Variants in TFCP2 observed in about 807,000 individuals in gnomAD.
The protein encoded by TFCP2 is transcription factor CP2.
A neutral mutation model predicts 73.4 loss-of-function variants in TFCP2; 33 were observed. That is an observed-to-expected ratio of 0.45 (90% confidence interval 0.34 to 0.60). The LOEUF is 0.60. TFCP2 is among the 20% of genes least tolerant of loss of function. The probability of loss-of-function intolerance (pLI) is 0.01; values close to 1 mark genes in which losing one functional copy is unlikely to be tolerated. For synonymous variants in TFCP2, 193 were observed against 211.6 expected (o/e 0.91, Z 0.76); for missense variants, 352 against 604.0 (o/e 0.58, Z 4.37).
intron 1 of TFCP2, among the ~76,000 whole-genome samples, chr12:51,123,580 TAATTC>T (rs559685915): frequency 9.0e-4 from 137 of 152,342 alleles, no homozygotes; most frequent in Middle Eastern, 3.4e-3. Context: ...TTTATGTATT[TAATTC>T]ATTTTTTTAT....
At chr12:51,135,634 A>C (rs531527638) in intron 1 of TFCP2, among the ~76,000 whole-genome samples, 25 of 152,278 alleles carry the variant, frequency 1.6e-4, no homozygotes, top group Admixed American at 8.5e-4. Flanking sequence ...GCTTTAGGCC[A>C]TATCCCATGT....
In TFCP2 at chr12:51,122,357, C is replaced by T. The variant is rs539703562; in HGVS notation, c.123-3585G>A. ...CACTGCAACCCCTGCCTCCTGGGTT[C>T]AAGTGATTCTCCTGCCTCAGCTTCC... On this transcript the variant is annotated intron_variant, in intron 1 of 14. Coordinates refer to ENST00000257915, the MANE Select transcript of TFCP2 (RefSeq NM_005653.5). 4.9e-5 allele frequency among the ~76,000 whole-genome samples: 7 copies of T among 141,930 alleles called. No homozygotes were observed. In the East Asian group the frequency reaches 1.5e-3, roughly 31 times the overall value. The allele number at this position is 141,930 out of a possible 152,430, so 93.1% of individuals were successfully genotyped here.
chr12:51,137,196 A>C (rs113563607), intron 1 of TFCP2, among the ~76,000 whole-genome samples: 16 of 152,202 alleles, frequency 1.1e-4, no homozygotes, highest in Admixed American at 6.5e-5. Flanking sequence ...CATTATGTAC[A>C]TCTCAAAGTT....
At chr12:51,104,899 A>C (rs1030552559) in intron 8 of TFCP2, among the ~76,000 whole-genome samples, 6 of 151,622 alleles carry the variant, frequency 4.0e-5, no homozygotes, top group African/African-American at 1.5e-4. Context: ...TTTTTAGTAG[A>C]GACAGGGTTT....
Position 51,098,793 on chromosome 12 carries a change from C to G in TFCP2, c.1402G>C (p.Val468Leu), listed in dbSNP as rs757231293. 2 of 1,614,152 alleles carry G rather than the reference C, an allele frequency of 1.2e-6. No individual in the cohort carries two copies. The highest frequency in any genetic ancestry group is 2.2e-5 in the South Asian group (2 of 91,084). ...IYKQGPTGIH[V>L]LISDEMIQNF... ...AAATCTACCTCATCACTGATGAGCA[C>G]ATGAATTCCTGTTGGCCCCTGCTTG... The change falls in exon 13 of 15, where the codon GTG (valine) becomes CTG (leucine). Residue 468 changes from valine (V) to leucine (L), a missense_variant. By Grantham distance (32) the Val-to-Leu change is conservative. This residue lies in a region of TFCP2 where 194 missense variants were observed against 256.3 expected (regional missense o/e 0.76). Coordinates refer to ENST00000257915, the MANE Select transcript of TFCP2 (RefSeq NM_005653.5).
rs965828481 is a variant in TFCP2 at position 51,161,780 on chromosome 12, A to G, written c.122+10521T>C. Among the ~76,000 whole-genome samples the G allele has an allele frequency of 8.6e-4, 126 of 145,802 alleles. 2 individuals are homozygous for G. The highest frequency in any genetic ancestry group is 7.2e-3 in the South Asian group (34 of 4,754). ...CATATCAAAAAAAAAAAAAAAAAAA[A>G]AAAGAAATTGACAGAAACCACCCCA... On this transcript the variant is annotated intron_variant, in intron 1 of 14. Transcript: ENST00000257915.
At chr12:51,166,233 T>G (rs910409288) in intron 1 of TFCP2, among the ~76,000 whole-genome samples, 2 of 150,542 alleles carry the variant, frequency 1.3e-5, no homozygotes, top group African/African-American at 4.9e-5. Flanking sequence ...GAGAATCGCT[T>G]GAAGCTGGGA....
intron 11 of TFCP2, among the ~76,000 whole-genome samples, chr12:51,100,563 C>T (rs1398102624): frequency 6.6e-6 from 1 of 152,166 alleles, no homozygotes. Flanking sequence ...CATCTGTAAT[C>T]CCAGCACTTT....
At chr12:51,105,077 T>G (rs1408555341) in intron 8 of TFCP2, among the ~76,000 whole-genome samples, 2 of 150,274 alleles carry the variant, frequency 1.3e-5, no homozygotes, top group Admixed American at 1.3e-4. Flanking sequence ...AAGGGTTATC[T>G]CCACACTCCA....
At chr12:51,099,822 G>C in intron 11 of TFCP2, 43 bp from the exon 12 acceptor site, 1 of 1,595,808 alleles carries the variant, frequency 6.3e-7, no homozygotes, top group Non-Finnish European at 8.6e-7. Context: ...ATTCTTTATG[G>C]TAAGCACAAT....
chr12:51,142,111 A>G (rs573381533), intron 1 of TFCP2, among the ~76,000 whole-genome samples: 1 of 147,782 alleles, frequency 6.8e-6, no homozygotes, highest in South Asian at 2.2e-4. Flanking sequence ...GCTGAAGCAG[A>G]AGAACTGCTT....
At chr12:51,145,383 GAAAA>G (rs1325350343) in intron 1 of TFCP2, among the ~76,000 whole-genome samples, 1 of 124,528 alleles carries the variant, frequency 8.0e-6, no homozygotes. Context: ...CTCTGTCTCA[GAAAA>G]AAAAAAAAAT....
In TFCP2 at chr12:51,172,546, C is replaced by A. The variant is rs1941884364; in HGVS notation, c.-124G>T. ...ACCAAGGTTTCCCACGCAGTGCCCA[C>A]CAGCCACCCCCAAGCCCGACCAGCA... On this transcript the variant is annotated 5_prime_UTR_variant, in exon 1 of 15. Coordinates refer to ENST00000257915, the MANE Select transcript of TFCP2 (RefSeq NM_005653.5). The A allele has an allele frequency of 1.5e-6, 2 of 1,307,006 alleles. No homozygotes were observed. Among genetic ancestry groups the A allele is most frequent in the African/African-American group, 1.5e-5 (1 of 68,688 alleles). 81.0% of individuals were successfully genotyped at this position (1,307,006 alleles called of 1,614,324 possible). A position where few individuals can be genotyped will look rare whatever the true frequency, so the allele number is the denominator to read the frequency against.
intron 1 of TFCP2, 67 bp from the exon 2 acceptor site, chr12:51,118,839 G>A: frequency 1.3e-6 from 2 of 1,519,000 alleles, no homozygotes; most frequent in Non-Finnish European, 1.8e-6. Context: ...ATTGCTGAAT[G>A]ATTTAACTGC....
intron 1 of TFCP2, among the ~76,000 whole-genome samples, chr12:51,134,199 A>G (rs1247431776): frequency 6.6e-6 from 1 of 152,232 alleles, no homozygotes; most frequent in Non-Finnish European, 1.5e-5. Flanking sequence ...TTTTATATTC[A>G]GACCCAGTAC....
At chr12:51,158,530 C>T (rs1941584849) in intron 1 of TFCP2, among the ~76,000 whole-genome samples, 1 of 152,080 alleles carries the variant, frequency 6.6e-6, no homozygotes, top group African/African-American at 2.4e-5. Flanking sequence ...GCTCTGTCGC[C>T]CAGGCTGAAG....
At position 51,127,921 on chromosome 12, in the gene TFCP2, TTTTC is replaced by T. The variant is rs1414738304; in HGVS notation, c.123-9153_123-9150del. 5.8e-4 allele frequency among the ~76,000 whole-genome samples: 15 copies of T among 26,022 alleles called. No individual in the cohort carries two copies. The South Asian group carries it at 0.017, about 29-fold the overall frequency. 17.1% of individuals were successfully genotyped at this position (26,022 alleles called of 152,430 possible). A position where few individuals can be genotyped will look rare whatever the true frequency, so the allele number is the denominator to read the frequency against. ...TTGTGTGTCTGAAGAAGCAATTTTCTTTTCTTTTTTTTTTTTGAGACGGAGTTTC... is the reference window on the plus strand; with the variant it reads ...TTGTGTGTCTGAAGAAGCAATTTTCTTTTTTTTTTTTTGAGACGGAGTTTC... On this transcript the variant is annotated intron_variant, in intron 1 of 14. Transcript: ENST00000257915.
At position 51,099,296 on chromosome 12, in the gene TFCP2, G is replaced by A. The variant is rs1940046512; in HGVS notation, c.1276+359C>T. Reference sequence around the variant, plus strand: ...AGCCCAGGAGTTCAAGACCAGCCTGGGCAACATAGGGAGATCCCATCTCTA... The same window carrying A: ...AGCCCAGGAGTTCAAGACCAGCCTGAGCAACATAGGGAGATCCCATCTCTA... On this transcript the variant is annotated intron_variant, in intron 12 of 14. Coordinates refer to ENST00000257915, the MANE Select transcript of TFCP2 (RefSeq NM_005653.5). 2.6e-5 allele frequency among the ~76,000 whole-genome samples: 4 copies of A among 152,022 alleles called. No individual in the cohort carries two copies. In the South Asian group the frequency reaches 8.3e-4, roughly 32 times the overall value.
At chr12:51,161,906 A>G (rs1941658737) in intron 1 of TFCP2, among the ~76,000 whole-genome samples, 1 of 151,040 alleles carries the variant, frequency 6.6e-6, no homozygotes, top group East Asian at 1.9e-4. Flanking sequence ...CAAACAAACA[A>G]ACAAAAAAAC....
Sources: gnomAD v4.1 joint callset for allele counts (sites outside exome capture counted in the v4.1 genomes callset) on GRCh38, gnomAD v4.1.1 for gene constraint, gnomAD v4.1.1 regional missense constraint, MANE v1.5 for transcripts, NCBI Gene and HGNC (gene_info 2026-07-23, HGNC 2026-07-21) for gene names.